The following MS4A1 variants were observed in gnomAD, a reference collection of about 807,000 sequenced individuals.
MS4A1 encodes membrane spanning 4-domains A1.
In MS4A1, 16 loss-of-function variants were observed where a neutral mutation model predicts 26.5. The observed-to-expected ratio is 0.60, with a 90% CI of 0.41 to 0.92. The LOEUF is 0.92. Ranked by LOEUF, MS4A1 falls within the 40% of genes least tolerant of loss-of-function variation. The pLI is 0.00. For synonymous variants in MS4A1, 128 were observed against 117.6 expected (o/e 1.09, Z -0.57); for missense variants, 350 against 353.0 (o/e 0.99, Z 0.07).
At position 60,468,569 on chromosome 11, in the gene MS4A1, A is replaced by C. The variant is rs199520538; in HGVS notation, c.*101A>C. ...TTCTTGAGGTACTCTGCACATACGC[A>C]CCACATCTCTATCTGGCCTTTGCAT... is the stretch of plus-strand genomic sequence containing the variant. On this transcript the variant is annotated 3_prime_UTR_variant, in exon 8 of 8. Transcript: ENST00000345732. 3.4e-5 allele frequency: 36 copies of C among 1,044,990 alleles called. No individual in the cohort carries two copies. The highest frequency in any genetic ancestry group is 5.0e-5 in the Non-Finnish European group (34 of 681,842). The allele number at this position is 1,044,990 out of a possible 1,614,324, so 64.7% of individuals were successfully genotyped here.
chr11:60,460,657 T>C (rs1049005177), intron 1 of MS4A1, among the ~76,000 whole-genome samples: 7 of 152,148 alleles, frequency 4.6e-5, no homozygotes, highest in African/African-American at 1.4e-4. Context: ...GATTTTCAGA[T>C]TCCAGGAAAG....
chr11:60,461,788 TG>T (rs2135196386), intron 2 of MS4A1, among the ~76,000 whole-genome samples: 1 of 151,674 alleles, frequency 6.6e-6, no homozygotes, highest in African/African-American at 2.4e-5. Context: ...CCAAAGTGCT[TG>T]GATTACAGGC....
At chr11:60,461,511 G>A (rs760086690) in intron 2 of MS4A1, among the ~76,000 whole-genome samples, 3 of 151,584 alleles carry the variant, frequency 2.0e-5, no homozygotes, top group Non-Finnish European at 4.4e-5. Context: ...GCATTAGAAA[G>A]CCTTAGAGAG....
At chr11:60,458,366 T>G (rs1262649577) in intron 1 of MS4A1, among the ~76,000 whole-genome samples, 1 of 152,172 alleles carries the variant, frequency 6.6e-6, no homozygotes, top group Non-Finnish European at 1.5e-5. Context: ...TAAAAGTCTA[T>G]TCAAACCAAA....
At chr11:60,460,075 A>G (rs927422631) in intron 1 of MS4A1, among the ~76,000 whole-genome samples, 12 of 152,008 alleles carry the variant, frequency 7.9e-5, no homozygotes, top group African/African-American at 2.9e-4. Context: ...GCAAGACCCC[A>G]TCTCTAAAAA....
chr11:60,459,166 G>A (rs1374476602), intron 1 of MS4A1, among the ~76,000 whole-genome samples: 2 of 152,204 alleles, frequency 1.3e-5, no homozygotes, highest in Admixed American at 6.5e-5. Flanking sequence ...TCAAACAATT[G>A]ATGACCTTTG....
chr11:60,463,152 A>G (rs768062238), intron 4 of MS4A1, 31 bp downstream of exon 4: 2 of 1,614,006 alleles, frequency 1.2e-6, no homozygotes, highest in Non-Finnish European at 1.7e-6. Context: ...CATTTGGGAA[A>G]TGGTGCAGAC....
chr11:60,462,196 A>C lies in MS4A1; in HGVS notation c.-179A>C. 1.4e-6 allele frequency: 1 copy of C among 723,850 alleles called. No individual in the cohort carries two copies. Among genetic ancestry groups the C allele is most frequent in the East Asian group, 2.8e-5 (1 of 35,896 alleles). 44.8% of individuals were successfully genotyped at this position (723,850 alleles called of 1,614,324 possible). On this transcript the variant is annotated 5_prime_UTR_variant, in exon 3 of 8. Coordinates refer to ENST00000345732, the MANE Select transcript of MS4A1 (RefSeq NM_152866.3). ...ATCTCCTTTCTCAGAACTCAGCAGTAGGCCTTGCCTCAGATCCAAGGTCAC... is the reference window on the plus strand; with the variant it reads ...ATCTCCTTTCTCAGAACTCAGCAGTCGGCCTTGCCTCAGATCCAAGGTCAC...
intron 5 of MS4A1, 176 bp from the exon 6 acceptor site, chr11:60,465,745 T>C (rs1254363554): frequency 1.6e-6 from 1 of 620,880 alleles, no homozygotes; most frequent in Non-Finnish European, 2.9e-6. Flanking sequence ...AAGAACAGGA[T>C]AGAGACATGA....
chr11:60,467,997 C>G (rs2086308600), intron 7 of MS4A1, among the ~76,000 whole-genome samples: 1 of 152,136 alleles, frequency 6.6e-6, no homozygotes, highest in Non-Finnish European at 1.5e-5. Context: ...TGTTCTTTTC[C>G]CAATACCACG....
In MS4A1 at chr11:60,467,147, T is replaced by C. The variant is rs1270520250; in HGVS notation, c.675+87T>C. 1.5e-5 allele frequency: 17 copies of C among 1,146,134 alleles called. No individual in the cohort carries two copies. In the African/African-American group the frequency reaches 1.5e-4, roughly 10 times the overall value. The allele number at this position is 1,146,134 out of a possible 1,614,324, so 71.0% of individuals were successfully genotyped here. The stretch of plus-strand genomic sequence containing the variant: ...TTTATGGAGAATGTAATCTGATGAG[T>C]TGTTGAAACTAGGAGCTTGATTTAA... On this transcript the variant is annotated intron_variant, in intron 7 of 7. Transcript: ENST00000345732.
rs2086298340 is a variant in MS4A1 at position 60,467,076 on chromosome 11, T to A, written c.675+16T>A. On this transcript the variant is annotated intron_variant, in intron 7 of 7. Coordinates refer to ENST00000345732, the MANE Select transcript of MS4A1 (RefSeq NM_152866.3). ...ACCCAAATCTGTAAGTAGTAGCCCCTCTGGCCAAAACCTCCCTCTAGAAAA... is the reference window on the plus strand; with the variant it reads ...ACCCAAATCTGTAAGTAGTAGCCCCACTGGCCAAAACCTCCCTCTAGAAAA... 1 of 1,603,718 alleles carries A rather than the reference T, an allele frequency of 6.2e-7. No homozygotes were observed. Among genetic ancestry groups the A allele is most frequent in the Non-Finnish European group, 8.5e-7 (1 of 1,170,722 alleles).
intron 6 of MS4A1, 38 bp downstream of exon 6, chr11:60,466,195 C>T: frequency 1.4e-6 from 2 of 1,479,324 alleles, no homozygotes; most frequent in Non-Finnish European, 1.9e-6. Context: ...GGATTTCTCT[C>T]CAGGGAGGAA....
Position 60,466,939 on chromosome 11 carries a change from A to G in MS4A1, c.574-20A>G. ...GTGCCATTATTACATTTTCACCTTC[A>G]TTCTTCTGTTGTTTTTCAGGGCATT... is the stretch of plus-strand genomic sequence containing the variant. On this transcript the variant is annotated intron_variant, in intron 6 of 7. Transcript: ENST00000345732. 1.6e-5 allele frequency: 25 copies of G among 1,610,172 alleles called. No homozygotes were observed. Among genetic ancestry groups the G allele is most frequent in the Non-Finnish European group, 2.1e-5 (25 of 1,176,392 alleles).
intron 2 of MS4A1, among the ~76,000 whole-genome samples, chr11:60,461,783 G>T (rs778655119): frequency 6.6e-6 from 1 of 151,808 alleles, no homozygotes; most frequent in South Asian, 2.1e-4. Context: ...GCCTCCCAAA[G>T]TGCTTGGATT....
chr11:60,458,548 A>G (rs559910635), intron 1 of MS4A1, among the ~76,000 whole-genome samples: 3 of 152,322 alleles, frequency 2.0e-5, no homozygotes, highest in East Asian at 3.9e-4. Context: ...CAAATGTAAA[A>G]TCTTATTGTT....
intron 5 of MS4A1, 31 bp from the exon 6 acceptor site, chr11:60,465,889 AC>A: frequency 6.5e-7 from 1 of 1,547,642 alleles, no homozygotes; most frequent in Middle Eastern, 2.2e-4. Context: ...GGGAAATCAA[AC>A]CCAATTAATA....
At chr11:60,457,020 G>T (rs1375517770) in intron 1 of MS4A1, among the ~76,000 whole-genome samples, 5 of 152,146 alleles carry the variant, frequency 3.3e-5, no homozygotes, top group Non-Finnish European at 2.9e-5. Flanking sequence ...TAGAAAACAG[G>T]TTCCCTATGC....
intron 1 of MS4A1, among the ~76,000 whole-genome samples, chr11:60,459,136 G>A (rs2086227926): frequency 6.6e-6 from 1 of 152,240 alleles, no homozygotes; most frequent in Non-Finnish European, 1.5e-5. Context: ...AACAATGGCA[G>A]TCCAATCATC....
Sources: gnomAD v4.1 joint callset for allele counts (sites outside exome capture counted in the v4.1 genomes callset) on GRCh38, gnomAD v4.1.1 for gene constraint, MANE v1.5 for transcripts, NCBI Gene and HGNC (gene_info 2026-07-23, HGNC 2026-07-21) for gene names.